Variants in KCNT2 observed in about 807,000 individuals in gnomAD.
KCNT2 encodes the protein potassium sodium-activated channel subfamily T member 2, also known as potassium channel subfamily T member 2.
Under a neutral mutation model 153.8 loss-of-function variants are expected in KCNT2, and 67 were observed. The observed-to-expected ratio is 0.44, with a 90% CI of 0.36 to 0.53. The LOEUF (loss-of-function observed/expected upper bound fraction) is 0.53. Ranked by LOEUF, KCNT2 falls within the 20% of genes least tolerant of loss-of-function variation. The pLI, the probability that KCNT2 is intolerant of heterozygous loss-of-function variation, is 0.00. For missense variants in KCNT2, 975 were observed against 1,354.8 expected, an observed-to-expected ratio of 0.72 and a Z score of 4.40; for synonymous variants, 500 against 458.8, an observed-to-expected ratio of 1.09 and a Z score of -1.15.
intron 23 of KCNT2, among the ~76,000 whole-genome samples, chr1:196,284,248 A>AAAAAAAAAATAT: frequency 3.0e-4 from 3 of 10,042 alleles, no homozygotes; most frequent in African/African-American, 4.1e-4. Context: ...AAAAAAAAAA[A>AAAAAAAAAATAT]ATATATATAT....
At chr1:196,523,975 T>C (rs578021180) in intron 1 of KCNT2, among the ~76,000 whole-genome samples, 2 of 152,312 alleles carry the variant, frequency 1.3e-5, no homozygotes, top group East Asian at 3.9e-4. Flanking sequence ...TTTTTTCTCT[T>C]GCACCTGACA....
Position 196,326,347 on chromosome 1 carries a change from C to T in KCNT2, c.2276+370G>A, listed in dbSNP as rs527817158. 2.0e-5 allele frequency among the ~76,000 whole-genome samples: 3 copies of T among 151,618 alleles called. No individual in the cohort carries two copies. In the South Asian group the frequency reaches 6.2e-4, roughly 31 times the overall value. On this transcript the variant is annotated intron_variant, in intron 19 of 27. Transcript: ENST00000294725. ...AATGCTTCTCTGATAATTAATGGTT[C>T]TTTAGAAAGACAAAAAAAAAATTGT...
intron 22 of KCNT2, among the ~76,000 whole-genome samples, chr1:196,290,579 T>TATAC (rs1553273257): frequency 6.6e-6 from 1 of 150,686 alleles, no homozygotes; most frequent in Non-Finnish European, 1.5e-5. Flanking sequence ...TATATATATA[T>TATAC]ACACACACAC....
intron 12 of KCNT2, among the ~76,000 whole-genome samples, chr1:196,410,693 A>C (rs190845077): frequency 2.2e-3 from 317 of 145,754 alleles, no homozygotes; most frequent in Non-Finnish European, 3.9e-3. Context: ...TACGCAATAA[A>C]ATCTGTGCTC....
chr1:196,603,354 A>C (rs999182953), intron 1 of KCNT2, among the ~76,000 whole-genome samples: 6 of 152,296 alleles, frequency 3.9e-5, no homozygotes, highest in Non-Finnish European at 7.4e-5. Context: ...CTTAAAATTT[A>C]GAATAAATAT....
intron 1 of KCNT2, among the ~76,000 whole-genome samples, chr1:196,578,531 G>T (rs993063497): frequency 6.6e-6 from 1 of 152,168 alleles, no homozygotes; most frequent in African/African-American, 2.4e-5. Flanking sequence ...AGGAAGGAAA[G>T]AAATTAGGAA....
At chr1:196,318,798 T>A (rs1269035765) in intron 20 of KCNT2, among the ~76,000 whole-genome samples, 1 of 151,810 alleles carries the variant, frequency 6.6e-6, no homozygotes, top group African/African-American at 2.4e-5. Flanking sequence ...CAGGATAAAA[T>A]GTAAGTGTTA....
intron 1 of KCNT2, among the ~76,000 whole-genome samples, chr1:196,532,955 A>G (rs538580522): frequency 6.6e-6 from 1 of 152,026 alleles, no homozygotes; most frequent in South Asian, 2.1e-4. Context: ...TTCAAAATGT[A>G]CCCCTTCTAA....
At chr1:196,272,966 C>T (rs1024791128) in intron 25 of KCNT2, among the ~76,000 whole-genome samples, 3 of 151,714 alleles carry the variant, frequency 2.0e-5, no homozygotes, top group Non-Finnish European at 2.9e-5. Flanking sequence ...GATCTTAAGA[C>T]GTCTCACTAT....
intron 14 of KCNT2, among the ~76,000 whole-genome samples, chr1:196,371,806 T>C (rs1668563450): frequency 6.6e-6 from 1 of 152,108 alleles, no homozygotes; most frequent in South Asian, 2.1e-4. Flanking sequence ...CACAACGAAA[T>C]TTAACTTCAG....
chr1:196,559,796 A>G (rs1370937489), intron 1 of KCNT2, among the ~76,000 whole-genome samples: 1 of 151,744 alleles, frequency 6.6e-6, no homozygotes, highest in Non-Finnish European at 1.5e-5. Flanking sequence ...TCTTTGCAAA[A>G]TATTCTCTGA....
intron 22 of KCNT2, among the ~76,000 whole-genome samples, chr1:196,302,569 C>T (rs1661284113): frequency 6.6e-6 from 1 of 152,102 alleles, no homozygotes; most frequent in South Asian, 2.1e-4. Flanking sequence ...TGTTTCCCTT[C>T]ACATTGCCTT....
chr1:196,411,103 TTCCTTCCTTCCTTCCTTCCTCCC>T (rs2148482898), intron 12 of KCNT2, among the ~76,000 whole-genome samples: 2 of 127,552 alleles, frequency 1.6e-5, no homozygotes, highest in South Asian at 6.1e-4. Context: ...CCTTCCTTCC[TTCCTTCCTTCCTTCCTTCCTCCC>T]TTCTTTCCTA....
intron 1 of KCNT2, among the ~76,000 whole-genome samples, chr1:196,547,949 T>C (rs1343613615): frequency 6.6e-6 from 1 of 151,834 alleles, no homozygotes; most frequent in Non-Finnish European, 1.5e-5. Flanking sequence ...GCAATTCTGA[T>C]CTGGTACGTC....
At chr1:196,491,160 G>A (rs1679829288) in intron 2 of KCNT2, among the ~76,000 whole-genome samples, 1 of 151,766 alleles carries the variant, frequency 6.6e-6, no homozygotes, top group Non-Finnish European at 1.5e-5. Context: ...CACCTTTTTT[G>A]GCCTGGAAAG....
intron 8 of KCNT2, among the ~76,000 whole-genome samples, chr1:196,431,101 T>G (rs530578819): frequency 6.6e-6 from 1 of 152,164 alleles, no homozygotes; most frequent in East Asian, 1.9e-4. Flanking sequence ...ATGCGTCATC[T>G]TGGTGAGAGA....
At chr1:196,322,605 G>T (rs1043628173) in intron 19 of KCNT2, among the ~76,000 whole-genome samples, 8 of 151,786 alleles carry the variant, frequency 5.3e-5, no homozygotes, top group Non-Finnish European at 8.8e-5. Context: ...AGCAAAAGTT[G>T]CCATCCAAAT....
chr1:196,403,607 C>A (rs1671595005), intron 12 of KCNT2, among the ~76,000 whole-genome samples: 2 of 150,390 alleles, frequency 1.3e-5, no homozygotes, highest in East Asian at 2.0e-4. Context: ...AAATGTATCA[C>A]AATAATGGAA....
intron 1 of KCNT2, among the ~76,000 whole-genome samples, chr1:196,497,626 A>G (rs1303487420): frequency 6.6e-6 from 1 of 152,102 alleles, no homozygotes; most frequent in East Asian, 1.9e-4. Flanking sequence ...TTTTGTTGAT[A>G]TTGGGATTGC....
Sources: gnomAD v4.1 joint callset for allele counts (sites outside exome capture counted in the v4.1 genomes callset) on GRCh38, gnomAD v4.1.1 for gene constraint, MANE v1.5 for transcripts, NCBI Gene and HGNC (gene_info 2026-07-23, HGNC 2026-07-21) for gene names.